The following ST18 variants were observed in gnomAD, a reference collection of about 807,000 sequenced individuals.
The protein encoded by ST18 is suppression of tumorigenicity 18 protein.
ST18 carries 50 observed loss-of-function variants against 110.0 expected under a neutral mutation model. The observed-to-expected ratio is 0.45, with a 90% CI of 0.36 to 0.58. ST18 has a LOEUF of 0.58. ST18 is among the 20% of genes least tolerant of loss of function. The pLI is 0.00. For missense variants in ST18, 1,306 were observed against 1,280.1 expected, an observed-to-expected ratio of 1.02 and a Z score of -0.31; for synonymous variants, 461 against 452.4, an observed-to-expected ratio of 1.02 and a Z score of -0.24.
Position 52,257,624 on chromosome 8 carries a change from T to C in ST18, c.-464-27547A>G, listed in dbSNP as rs149367275. ...TCCAGAGCTTTTACCCAGTTTTAAGTTGGGTTATTTGTCTTTTCATTATTG... is the reference window on the plus strand; with the variant it reads ...TCCAGAGCTTTTACCCAGTTTTAAGCTGGGTTATTTGTCTTTTCATTATTG... On this transcript the variant is annotated intron_variant, in intron 2 of 25. Coordinates refer to ENST00000689386, the MANE Select transcript of ST18 (RefSeq NM_001352837.2). Among the ~76,000 whole-genome samples the C allele has an allele frequency of 7.2e-5, 11 of 152,292 alleles. No individual in the cohort carries two copies. The East Asian group carries it at 2.1e-3, about 29-fold the overall frequency.
At chr8:52,121,665 T>C (rs2044863512) in intron 23 of ST18, among the ~76,000 whole-genome samples, 1 of 152,228 alleles carries the variant, frequency 6.6e-6, no homozygotes, top group African/African-American at 2.4e-5. Flanking sequence ...ATAAGCTCTC[T>C]GGTTCCAGAA....
At chr8:52,339,768 C>A (rs1003989137) in intron 2 of ST18, among the ~76,000 whole-genome samples, 1 of 152,256 alleles carries the variant, frequency 6.6e-6, no homozygotes, top group African/African-American at 2.4e-5. Context: ...GAGCTGTCAT[C>A]TCTCCTTTCC....
intron 2 of ST18, among the ~76,000 whole-genome samples, chr8:52,384,316 A>G (rs1835711614): frequency 6.6e-6 from 1 of 152,126 alleles, no homozygotes; most frequent in African/African-American, 2.4e-5. Context: ...CTCCTATTTT[A>G]ATAGATAATT....
chr8:52,394,349 A>C (rs1840370242), intron 2 of ST18, among the ~76,000 whole-genome samples: 1 of 152,148 alleles, frequency 6.6e-6, no homozygotes, highest in Non-Finnish European at 1.5e-5. Context: ...TCTTTAGAAA[A>C]ATTTCACAAT....
At chr8:52,177,743 T>C (rs1488937508) in intron 9 of ST18, among the ~76,000 whole-genome samples, 2 of 152,216 alleles carry the variant, frequency 1.3e-5, no homozygotes, top group African/African-American at 4.8e-5. Context: ...ATTTTGCTTG[T>C]CCTTCCAATT....
chr8:52,164,062 C>T lies in ST18; in HGVS notation c.1324G>A (p.Glu442Lys), dbSNP rs867886034. Residue 442 changes from glutamate (E) to lysine (K), a missense_variant, in exon 13 of 26, where the codon GAA (glutamate) becomes AAA (lysine). Transcript: ENST00000689386. The part of the protein sequence containing the change: ...SLSGCPIAAA[E>K]KLAMSQDKNQ... ...TTATCCTGGGACATTGCCAATTTTT[C>T]AGCTGCAGCAATTGGACAACCAGAA... 3 of 1,614,162 alleles carry T rather than the reference C, an allele frequency of 1.9e-6. No individual in the cohort carries two copies. The highest frequency in any genetic ancestry group is 2.2e-5 in the East Asian group (1 of 44,884).
At chr8:52,116,684 C>T (rs1367895160) in intron 24 of ST18, among the ~76,000 whole-genome samples, 3 of 152,214 alleles carry the variant, frequency 2.0e-5, no homozygotes, top group East Asian at 3.9e-4. Context: ...TCAAACTCAA[C>T]ATGTTTAAAG....
At chr8:52,348,083 T>G (rs1446338101) in intron 2 of ST18, among the ~76,000 whole-genome samples, 1 of 152,138 alleles carries the variant, frequency 6.6e-6, no homozygotes, top group East Asian at 1.9e-4. Context: ...GCTCACGAAC[T>G]GGTTTTCACA....
chr8:52,201,946 A>G (rs1034525360), intron 8 of ST18, among the ~76,000 whole-genome samples: 1 of 152,232 alleles, frequency 6.6e-6, no homozygotes, highest in African/African-American at 2.4e-5. Flanking sequence ...TATACTTATA[A>G]AGGAAGACCC....
At chr8:52,295,717 T>TC (rs2095623743) in intron 2 of ST18, among the ~76,000 whole-genome samples, 1 of 150,134 alleles carries the variant, frequency 6.7e-6, no homozygotes, top group Non-Finnish European at 1.5e-5. Flanking sequence ...TTCCTTTTTT[T>TC]TTTTTTTTTT....
At chr8:52,324,126 T>C (rs1805210670) in intron 2 of ST18, among the ~76,000 whole-genome samples, 1 of 152,094 alleles carries the variant, frequency 6.6e-6, no homozygotes, top group Admixed American at 6.5e-5. Context: ...GGAGTAAGGA[T>C]GGTGGTGGTT....
At position 52,144,199 on chromosome 8, in the gene ST18, T is replaced by C. The variant is rs28741000; in HGVS notation, c.2053-1154A>G. Among the ~76,000 whole-genome samples, 1,325 of 152,252 alleles carry C rather than the reference T, an allele frequency of 8.7e-3. 15 individuals are homozygous for C. The highest frequency in any genetic ancestry group is 0.03 in the African/African-American group (1,261 of 41,576). On this transcript the variant is annotated intron_variant, in intron 16 of 25. Coordinates refer to ENST00000689386, the MANE Select transcript of ST18 (RefSeq NM_001352837.2). Reference sequence around the variant, plus strand: ...AATTAGCTTACTTTCATCATTGATCTTGTATCTGGTAAATATAATACTTTC... The same window carrying C: ...AATTAGCTTACTTTCATCATTGATCCTGTATCTGGTAAATATAATACTTTC...
chr8:52,361,653 T>G (rs938002456), intron 2 of ST18, among the ~76,000 whole-genome samples: 3 of 152,228 alleles, frequency 2.0e-5, no homozygotes, highest in Non-Finnish European at 2.9e-5. Flanking sequence ...TTTTTTCACC[T>G]AATTTCAAAT....
In ST18 at chr8:52,116,035, C is replaced by G. The variant is rs115866256; in HGVS notation, c.3003+240G>C. Among the ~76,000 whole-genome samples the G allele has an allele frequency of 6.5e-3, 989 of 152,134 alleles. 9 individuals carry two copies. The highest frequency in any genetic ancestry group is 0.023 in the African/African-American group (949 of 41,518). On this transcript the variant is annotated intron_variant, in intron 25 of 25. Transcript: ENST00000689386. Reference sequence around the variant, plus strand: ...ATTGTGAACCGAGCTTTAAAAAATCCTTTGTTTTTAAATGACTTTGGCCTC... The same window carrying G: ...ATTGTGAACCGAGCTTTAAAAAATCGTTTGTTTTTAAATGACTTTGGCCTC...
At chr8:52,284,694 A>G (rs532491110) in intron 2 of ST18, among the ~76,000 whole-genome samples, 92 of 152,284 alleles carry the variant, frequency 6.0e-4, no homozygotes, top group Admixed American at 1.7e-3. Context: ...CTGATGATGG[A>G]CCATGAGTCC....
intron 15 of ST18, 124 bp downstream of exon 15, chr8:52,158,774 A>AG: frequency 9.1e-7 from 1 of 1,103,450 alleles, no homozygotes; most frequent in East Asian, 2.4e-5. Flanking sequence ...TTCCTGAGAC[A>AG]GGGAGGGGAT....
intron 13 of ST18, 95 bp from the exon 14 acceptor site, chr8:52,161,663 C>A: frequency 7.4e-7 from 1 of 1,360,024 alleles, no homozygotes; most frequent in East Asian, 2.3e-5. Context: ...TGTGTCACTC[C>A]TGAAGGTATC....
chr8:52,379,895 G>A (rs916656523), intron 2 of ST18, among the ~76,000 whole-genome samples: 1 of 152,178 alleles, frequency 6.6e-6, no homozygotes, highest in East Asian at 1.9e-4. Context: ...TGTGATTGTG[G>A]TGAGCCCAAG....
intron 2 of ST18, among the ~76,000 whole-genome samples, chr8:52,293,989 A>T (rs1564432630): frequency 6.6e-6 from 1 of 152,306 alleles, no homozygotes; most frequent in East Asian, 1.9e-4. Flanking sequence ...AGTGGCCCAT[A>T]GCCCGCTTTT....
Sources: allele counts gnomAD v4.1 joint callset (sites outside exome capture counted in the v4.1 genomes callset), GRCh38; gene constraint gnomAD v4.1.1; transcripts MANE v1.5; gene names NCBI Gene and HGNC (gene_info 2026-07-23, HGNC 2026-07-21).